KSR2: variants seen among roughly 807,000 people sequenced by gnomAD.
The protein encoded by KSR2 is kinase suppressor of ras 2.
A neutral mutation model predicts 107.8 loss-of-function variants in KSR2; 25 were observed. The ratio of observed to expected loss-of-function variants is 0.23; its 90% CI spans 0.17 to 0.32. KSR2 has a LOEUF of 0.32. Among genes scored for constraint, KSR2 ranks in the 10% least tolerant of loss-of-function variants. KSR2 has a pLI of 1.00. For missense variants in KSR2, 887 were observed against 1,268.9 expected, an observed-to-expected ratio of 0.70 and a Z score of 4.57; for synonymous variants, 480 against 507.0, an observed-to-expected ratio of 0.95 and a Z score of 0.71.
chr12:117,942,279 T>C (rs567834348), intron 1 of KSR2, among the ~76,000 whole-genome samples: 1 of 152,190 alleles, frequency 6.6e-6, no homozygotes, highest in East Asian at 1.9e-4. Context: ...TACAATAAAT[T>C]ATTGCTAACT....
intron 10 of KSR2, among the ~76,000 whole-genome samples, chr12:117,535,787 C>T (rs1256410009): frequency 6.6e-6 from 1 of 152,130 alleles, no homozygotes; most frequent in Non-Finnish European, 1.5e-5. Context: ...ATGATGGATG[C>T]TACCACAACT....
At position 117,620,234 on chromosome 12, in the gene KSR2, C is replaced by T. The variant is rs150873263; in HGVS notation, c.1172-37875G>A. Among the ~76,000 whole-genome samples, 711 of 152,258 alleles carry T rather than the reference C, an allele frequency of 4.7e-3. 4 individuals carry two copies. Among genetic ancestry groups the T allele is most frequent in the African/African-American group, 0.016 (658 of 41,550 alleles). ...CTAAAAGCTTTTTCTCCCTACAAAA[C>T]CACCTTCATCATATGTGAGCTTCCT... On this transcript the variant is annotated intron_variant, in intron 5 of 19. Coordinates refer to ENST00000339824, the MANE Select transcript of KSR2 (RefSeq NM_173598.6).
chr12:117,733,581 C>T (rs1018416274), intron 4 of KSR2, among the ~76,000 whole-genome samples: 11 of 152,252 alleles, frequency 7.2e-5, no homozygotes, highest in Admixed American at 1.3e-4. Flanking sequence ...ACAACAGGGA[C>T]CATATGGCTG....
rs566951901 is a variant in KSR2 at position 117,837,148 on chromosome 12, G to T, written c.472+18280C>A. ...GATAGATGCCTCTGCCGTTCACTAG[G>T]GGCCAGCCGGGAAAGAAACCCAGGG... On this transcript the variant is annotated intron_variant, in intron 3 of 19. Transcript: ENST00000339824. Among the ~76,000 whole-genome samples, 6 of 152,240 alleles carry T rather than the reference G, an allele frequency of 3.9e-5. 1 individual carries two copies. The South Asian group carries it at 1.0e-3, about 26-fold the overall frequency.
intron 5 of KSR2, among the ~76,000 whole-genome samples, chr12:117,595,466 G>A (rs1880586002): frequency 7.0e-6 from 1 of 143,488 alleles, no homozygotes; most frequent in East Asian, 2.2e-4. Flanking sequence ...CCGGGTTCAC[G>A]CCATTCTCCT....
chr12:117,470,761 T>C (rs1871399496), intron 18 of KSR2, among the ~76,000 whole-genome samples: 1 of 152,266 alleles, frequency 6.6e-6, no homozygotes, highest in South Asian at 2.1e-4. Context: ...AGGAAGATTG[T>C]TAATATTAAT....
chr12:117,717,666 G>GTATGTGTGT (rs1887038768), intron 4 of KSR2, among the ~76,000 whole-genome samples: 20 of 144,478 alleles, frequency 1.4e-4, no homozygotes, highest in African/African-American at 4.1e-4. Context: ...GGGGCAGACA[G>GTATGTGTGT]GTGTGTGTGT....
At chr12:117,922,843 T>C (rs1177485525) in intron 1 of KSR2, among the ~76,000 whole-genome samples, 3 of 152,204 alleles carry the variant, frequency 2.0e-5, no homozygotes, top group Non-Finnish European at 2.9e-5. Context: ...TATTTGTGGA[T>C]TATTCCATTT....
chr12:117,568,704 C>T (rs566555589), intron 7 of KSR2, among the ~76,000 whole-genome samples: 31 of 152,210 alleles, frequency 2.0e-4, no homozygotes, highest in African/African-American at 7.0e-4. Context: ...GGTGAGCCCC[C>T]AATACATGAT....
chr12:117,763,941 T>C (rs759833167), intron 3 of KSR2, among the ~76,000 whole-genome samples: 2 of 152,008 alleles, frequency 1.3e-5, no homozygotes, highest in Non-Finnish European at 2.9e-5. Context: ...ACTTCCATGA[T>C]GGGCCAAGGA....
chr12:117,738,839 C>G (rs1888049856), intron 4 of KSR2, among the ~76,000 whole-genome samples: 1 of 152,166 alleles, frequency 6.6e-6, no homozygotes, highest in African/African-American at 2.4e-5. Flanking sequence ...TGCGCCACTG[C>G]ACTCCGGCCT....
intron 1 of KSR2, among the ~76,000 whole-genome samples, chr12:117,959,168 G>T (rs78504037): frequency 0.03 from 4,537 of 152,088 alleles, 220 homozygotes; most frequent in African/African-American, 0.1. Context: ...TTGAAAAATT[G>T]GTTCATGGTC....
At chr12:117,872,700 T>C (rs1893690394) in intron 1 of KSR2, among the ~76,000 whole-genome samples, 1 of 152,130 alleles carries the variant, frequency 6.6e-6, no homozygotes, top group African/African-American at 2.4e-5. Flanking sequence ...ATGAGAAACA[T>C]CCCTCTACTG....
intron 4 of KSR2, among the ~76,000 whole-genome samples, chr12:117,749,789 C>T: frequency 6.6e-6 from 1 of 152,030 alleles, no homozygotes; most frequent in East Asian, 1.9e-4. Context: ...TCATCACAGG[C>T]CTGAAAGATT....
chr12:117,605,081 G>A (rs1276526305), intron 5 of KSR2, among the ~76,000 whole-genome samples: 3 of 152,190 alleles, frequency 2.0e-5, no homozygotes. Flanking sequence ...AATCATGTTT[G>A]TGGCTTTTTC....
At chr12:117,883,909 A>G (rs551155057) in intron 1 of KSR2, among the ~76,000 whole-genome samples, 15 of 152,034 alleles carry the variant, frequency 9.9e-5, no homozygotes, top group African/African-American at 3.4e-4. Context: ...ATGAGGTCAA[A>G]GAAGCAGAGA....
chr12:117,715,863 C>T (rs1886958669), intron 4 of KSR2, among the ~76,000 whole-genome samples: 1 of 152,222 alleles, frequency 6.6e-6, no homozygotes, highest in African/African-American at 2.4e-5. Flanking sequence ...TCAAGGCATC[C>T]TCCAAATAGC....
intron 16 of KSR2, 41 bp downstream of exon 16, chr12:117,484,375 A>G: frequency 6.2e-7 from 1 of 1,608,410 alleles, no homozygotes; most frequent in South Asian, 1.1e-5. Context: ...CCTGACCATC[A>G]TCTGTCAGGA....
chr12:117,796,962 T>C (rs1429160792), intron 3 of KSR2, among the ~76,000 whole-genome samples: 1 of 152,114 alleles, frequency 6.6e-6, no homozygotes, highest in African/African-American at 2.4e-5. Context: ...GCCTACTGAG[T>C]GCCGAGCTTT....
Sources: allele counts gnomAD v4.1 joint callset (sites outside exome capture counted in the v4.1 genomes callset), GRCh38; gene constraint gnomAD v4.1.1; transcripts MANE v1.5; gene names NCBI Gene and HGNC (gene_info 2026-07-23, HGNC 2026-07-21).